Variants in RNF130 observed in about 807,000 individuals in gnomAD.
RNF130 encodes the protein ring finger protein 130.
RNF130 carries 21 observed loss-of-function variants against 44.6 expected under a neutral mutation model. The observed-to-expected ratio is 0.47, with a 90% CI of 0.33 to 0.68. The LOEUF (loss-of-function observed/expected upper bound fraction) is 0.68. Among genes scored for constraint, RNF130 ranks in the 30% least tolerant of loss-of-function variants. The pLI is 0.02. For missense variants in RNF130, 479 were observed against 560.6 expected, an observed-to-expected ratio of 0.85 and a Z score of 1.47; for synonymous variants, 214 against 210.4, an observed-to-expected ratio of 1.02 and a Z score of -0.15.
At chr5:180,008,425 C>T (rs1252336920) in intron 3 of RNF130, among the ~76,000 whole-genome samples, 1 of 152,044 alleles carries the variant, frequency 6.6e-6, no homozygotes, top group Non-Finnish European at 1.5e-5. Flanking sequence ...AGAGAACATG[C>T]CACCCAACAG....
intron 2 of RNF130, among the ~76,000 whole-genome samples, chr5:180,036,226 C>A (rs1224204582): frequency 6.6e-6 from 1 of 152,174 alleles, no homozygotes; most frequent in African/African-American, 2.4e-5. Flanking sequence ...GGGTTAAACA[C>A]ATGAAATCTA....
intron 3 of RNF130, among the ~76,000 whole-genome samples, chr5:180,000,611 T>G (rs1326084026): frequency 2.0e-5 from 3 of 152,240 alleles, no homozygotes; most frequent in Non-Finnish European, 2.9e-5. Context: ...GTCTCTGACT[T>G]GTTAATTTCA....
At chr5:179,931,794 A>C (rs1418872197) in intron 7 of RNF130, among the ~76,000 whole-genome samples, 2 of 138,994 alleles carry the variant, frequency 1.4e-5, no homozygotes, top group Non-Finnish European at 3.1e-5. Flanking sequence ...AAACAACAAA[A>C]CTACAGTACA....
chr5:180,069,499 T>C (rs145303746), intron 1 of RNF130, among the ~76,000 whole-genome samples: 10 of 149,810 alleles, frequency 6.7e-5, no homozygotes, highest in Admixed American at 4.6e-4. Context: ...AGGCTAAAAC[T>C]CAAGGGGACT....
Position 180,043,319 on chromosome 5 carries a change from T to C in RNF130, c.248-2672A>G, listed in dbSNP as rs531077126. ...CAGCCTGGGTGACAGAGCAAGACTC[T>C]ATCTCTAAAAAACAGTAATAATTCC... On this transcript the variant is annotated intron_variant, in intron 1 of 8. Coordinates refer to ENST00000521389, the MANE Select transcript of RNF130 (RefSeq NM_018434.6). Among the ~76,000 whole-genome samples the C allele has an allele frequency of 6.6e-5, 10 of 152,272 alleles. No homozygotes were observed. In the South Asian group the frequency reaches 1.4e-3, roughly 22 times the overall value.
At position 179,912,452 on chromosome 5, in the gene RNF130, A is replaced by C. The variant is rs538542221; in HGVS notation, c.*7865T>G. 176 of 152,356 alleles carry C rather than the reference A, an allele frequency of 1.2e-3. 1 individual carries two copies. Among genetic ancestry groups the C allele is most frequent in the African/African-American group, 4.0e-3 (167 of 41,582 alleles). The allele number at this position is 152,356 out of a possible 1,614,324, so 9.4% of individuals were successfully genotyped here. On this transcript the variant is annotated 3_prime_UTR_variant, in exon 8 of 8. Coordinates refer to the RNF130 transcript ENST00000522208. The stretch of plus-strand genomic sequence containing the variant: ...CCTCTCTGCAGCAGATCTGGTCCCA[A>C]GCCCCAGTCAGGAGATCCCCTCCTG...
At chr5:180,026,595 A>T (rs1454736824) in intron 2 of RNF130, among the ~76,000 whole-genome samples, 1 of 152,244 alleles carries the variant, frequency 6.6e-6, no homozygotes, top group African/African-American at 2.4e-5. Flanking sequence ...GGTGAAGGGC[A>T]TGCTTTAGAA....
rs372531896 is a variant in RNF130, at chr5:179,921,105, T to A, written c.1151-679A>T. On this transcript the variant is annotated intron_variant, in intron 7 of 7. Transcript: ENST00000522208. ...ACATTTCCTTTTCTATAAAACTGTT[T>A]TTAAGCTTTACTGGGGTATAACTGA... Among the ~76,000 whole-genome samples the A allele has an allele frequency of 7.2e-4, 109 of 152,320 alleles. No homozygotes were observed. The South Asian group carries it at 0.022, about 30-fold the overall frequency.
chr5:179,923,682 C>T (rs1441946540), intron 7 of RNF130, among the ~76,000 whole-genome samples: 1 of 152,212 alleles, frequency 6.6e-6, no homozygotes, highest in Non-Finnish European at 1.5e-5. Flanking sequence ...CTGTACCTCA[C>T]TTCCCTTTTT....
intron 1 of RNF130, among the ~76,000 whole-genome samples, chr5:180,063,860 T>C (rs1169277252): frequency 1.3e-5 from 2 of 152,178 alleles, no homozygotes; most frequent in Non-Finnish European, 2.9e-5. Flanking sequence ...AAATACAAAA[T>C]TATTTTTGGA....
At chr5:180,025,801 T>C (rs1294675572) in intron 2 of RNF130, among the ~76,000 whole-genome samples, 1 of 152,204 alleles carries the variant, frequency 6.6e-6, no homozygotes, top group Non-Finnish European at 1.5e-5. Context: ...AATTAGAAGC[T>C]AAAAAACTTT....
At chr5:180,029,014 T>C (rs1191748528) in intron 2 of RNF130, among the ~76,000 whole-genome samples, 1 of 152,198 alleles carries the variant, frequency 6.6e-6, no homozygotes, top group Non-Finnish European at 1.5e-5. Flanking sequence ...CTCTTTTAGG[T>C]AGACGAGGAT....
intron 3 of RNF130, among the ~76,000 whole-genome samples, chr5:179,992,677 T>C (rs1763113143): frequency 6.6e-6 from 1 of 152,230 alleles, no homozygotes; most frequent in Non-Finnish European, 1.5e-5. Context: ...TTGCTTGTCC[T>C]TATTTTTAAA....
At chr5:179,995,080 T>C (rs993624098) in intron 3 of RNF130, among the ~76,000 whole-genome samples, 2 of 152,042 alleles carry the variant, frequency 1.3e-5, no homozygotes, top group African/African-American at 4.8e-5. Context: ...CTAGGGACAG[T>C]TGCCAAACCC....
chr5:179,957,094 A>G (rs1762228773), intron 8 of RNF130, among the ~76,000 whole-genome samples: 1 of 152,194 alleles, frequency 6.6e-6, no homozygotes. Flanking sequence ...TAGTTTTCAA[A>G]TCTACTTTAT....
At chr5:180,036,587 A>AT (rs1387212032) in intron 2 of RNF130, among the ~76,000 whole-genome samples, 1 of 152,184 alleles carries the variant, frequency 6.6e-6, no homozygotes, top group Admixed American at 6.5e-5. Flanking sequence ...GTCTCAGATT[A>AT]TTGTCCCTTC....
At position 179,966,957 on chromosome 5, in the gene RNF130, T is replaced by G; in HGVS notation, c.999A>C (p.Arg333Ser). ...CTGATCTTCGGTTAACAGCTTGGGTTCTGGTGAGCCTTTCCATATCGAATG... is the reference window on the plus strand; with the variant it reads ...CTGATCTTCGGTTAACAGCTTGGGTGCTGGTGAGCCTTTCCATATCGAATG... ...NVAFDMERLTRTQAVNRRSAL... is the reference protein window; with the variant it reads ...NVAFDMERLTSTQAVNRRSAL... The change falls in exon 7 of 9, where the codon AGA becomes AGC. Residue 333 changes from arginine (R) to serine (S), a missense_variant. Arg to Ser is a moderately radical substitution (Grantham distance 110). This residue lies in a region of RNF130 where 161 missense variants were observed against 158.6 expected (regional missense o/e 1.02). Coordinates refer to ENST00000521389, the MANE Select transcript of RNF130 (RefSeq NM_018434.6). 6.2e-7 allele frequency: 1 copy of G among 1,614,256 alleles called. No homozygotes were observed. The highest frequency in any genetic ancestry group is 8.5e-7 in the Non-Finnish European group (1 of 1,180,042).
At chr5:180,069,452 C>T (rs1482731213) in intron 1 of RNF130, among the ~76,000 whole-genome samples, 1 of 151,866 alleles carries the variant, frequency 6.6e-6, no homozygotes, top group Non-Finnish European at 1.5e-5. Flanking sequence ...CCCTGTGGGA[C>T]GGACACAGAA....
chr5:180,005,737 G>C (rs774712975), intron 3 of RNF130, among the ~76,000 whole-genome samples: 1 of 152,124 alleles, frequency 6.6e-6, no homozygotes, highest in Non-Finnish European at 1.5e-5. Context: ...GACTCCCTGA[G>C]AGTAATATCA....
Sources: gnomAD v4.1 joint callset for allele counts (sites outside exome capture counted in the v4.1 genomes callset) on GRCh38, gnomAD v4.1.1 for gene constraint, gnomAD v4.1.1 regional missense constraint, MANE v1.5 for transcripts, NCBI Gene and HGNC (gene_info 2026-07-23, HGNC 2026-07-21) for gene names.